Variants in HPSE2 observed in about 807,000 individuals in gnomAD.
HPSE2 encodes heparanase 2 (inactive).
Under a neutral mutation model 60.5 loss-of-function variants are expected in HPSE2, and 38 were observed. The observed-to-expected ratio is 0.63, with a 90% CI of 0.48 to 0.82. The LOEUF (loss-of-function observed/expected upper bound fraction) is 0.82, where lower values mean the gene tolerates loss of function less well. Ranked by LOEUF, HPSE2 falls within the 40% of genes least tolerant of loss-of-function variation. The pLI, the probability that HPSE2 is intolerant of heterozygous loss-of-function variation, is 0.00. For missense variants in HPSE2, 713 were observed against 740.4 expected (o/e 0.96, Z 0.43); for synonymous variants, 295 against 293.2 (o/e 1.01, Z -0.06).
chr10:99,208,401 G>A (rs1181361655), intron 2 of HPSE2, among the ~76,000 whole-genome samples: 1 of 152,122 alleles, frequency 6.6e-6, no homozygotes, highest in Non-Finnish European at 1.5e-5. Context: ...AGGCATTAGA[G>A]TGGCTAGGTA....
upstream of HPSE2, among the ~76,000 whole-genome samples, chr10:99,239,630 G>A (rs986009378): frequency 4.6e-5 from 7 of 151,336 alleles, no homozygotes; most frequent in Admixed American, 2.6e-4. Context: ...GGGCTTCACC[G>A]TGTTGCCTAG....
intron 9 of HPSE2, among the ~76,000 whole-genome samples, chr10:98,611,351 A>T (rs536335966): frequency 6.6e-6 from 1 of 152,334 alleles, no homozygotes; most frequent in East Asian, 1.9e-4. Context: ...CTAGAATGCC[A>T]CAAACTGGGA....
In HPSE2 at chr10:99,167,881, G is replaced by GTC. The variant is rs147629381; in HGVS notation, c.449-23484_449-23483dup. Among the ~76,000 whole-genome samples the GTC allele has an allele frequency of 5.9e-3, 875 of 148,414 alleles. 1 individual carries two copies. The highest frequency in any genetic ancestry group is 0.011 in the African/African-American group (438 of 40,472). ...GTCTTCTAATCCATGAACACATTTTGTCTCTCTCTCTCTCTCTCTCATTTG... is the reference window on the plus strand; with the variant it reads ...GTCTTCTAATCCATGAACACATTTTGTCTCTCTCTCTCTCTCTCTCTCATTTG... On this transcript the variant is annotated intron_variant, in intron 2 of 11. Coordinates refer to ENST00000370552, the MANE Select transcript of HPSE2 (RefSeq NM_021828.5).
intron 9 of HPSE2, among the ~76,000 whole-genome samples, chr10:98,571,790 G>A (rs952118052): frequency 6.6e-6 from 1 of 152,166 alleles, no homozygotes; most frequent in African/African-American, 2.4e-5. Context: ...CTAGGCGAGG[G>A]AGGGTCTTTC....
the HPSE2 span, among the ~76,000 whole-genome samples, chr10:99,291,719 T>C: frequency 3.7e-4 from 56 of 152,252 alleles, no homozygotes; most frequent in Non-Finnish European, 3.4e-4. Flanking sequence ...TTTCGAAAAC[T>C]ACATTCCTAG....
intron 9 of HPSE2, among the ~76,000 whole-genome samples, chr10:98,499,615 C>CA (rs887256961): frequency 1.4e-4 from 22 of 151,886 alleles, no homozygotes; most frequent in African/African-American, 5.3e-4. Flanking sequence ...AAACAAAAAC[C>CA]AAAAAAACCA....
chr10:98,593,981 G>A, intron 9 of HPSE2, among the ~76,000 whole-genome samples: 1 of 152,064 alleles, frequency 6.6e-6, no homozygotes, highest in Middle Eastern at 3.4e-3. Flanking sequence ...TCTTTCACAT[G>A]TATCTCTATA....
chr10:99,132,237 G>GAAAGAAAGAAAGAAAGAAAGAA (rs1308434482), intron 3 of HPSE2, among the ~76,000 whole-genome samples: 1 of 20,682 alleles, frequency 4.8e-5, no homozygotes, highest in Non-Finnish European at 1.4e-4. Flanking sequence ...GAGAGAGAGA[G>GAAAGAAAGAAAGAAAGAAAGAA]AGAGAGAAAG....
rs190228332 is a variant in HPSE2, at chr10:98,459,487, G to C, written c.*87C>G. On this transcript the variant is annotated 3_prime_UTR_variant, in exon 12 of 12. Transcript: ENST00000370552. Reference sequence around the variant, plus strand: ...ATGGGGCAGCAGGGGCTGGTTGCTAGGATGTCTGAAAACAGAGGATACTAC... The same window carrying C: ...ATGGGGCAGCAGGGGCTGGTTGCTACGATGTCTGAAAACAGAGGATACTAC... 1,389 of 1,408,684 alleles carry C rather than the reference G, an allele frequency of 9.9e-4. 20 individuals are homozygous for C. In the Admixed American group the frequency reaches 0.022, roughly 23 times the overall value. 87.3% of individuals were successfully genotyped at this position (1,408,684 alleles called of 1,614,324 possible).
intron 9 of HPSE2, among the ~76,000 whole-genome samples, chr10:98,580,573 C>G (rs956261714): frequency 6.6e-6 from 1 of 151,756 alleles, no homozygotes; most frequent in Non-Finnish European, 1.5e-5. Context: ...ATTGTTCCTG[C>G]TTTTAATATA....
chr10:98,746,750 A>T (rs1435774017), intron 3 of HPSE2, among the ~76,000 whole-genome samples: 1 of 151,926 alleles, frequency 6.6e-6, no homozygotes, highest in Non-Finnish European at 1.5e-5. Context: ...TTGTGTTAAG[A>T]CTTTGAGGCC....
intron 2 of HPSE2, among the ~76,000 whole-genome samples, chr10:99,165,531 A>ATTTC (rs1465511453): frequency 6.7e-6 from 1 of 148,466 alleles, no homozygotes; most frequent in Non-Finnish European, 1.5e-5. Flanking sequence ...TTATTTACGT[A>ATTTC]TTTATTTATT....
intron 3 of HPSE2, among the ~76,000 whole-genome samples, chr10:99,042,586 T>A (rs910583720): frequency 2.6e-5 from 4 of 151,348 alleles, no homozygotes; most frequent in African/African-American, 9.7e-5. Flanking sequence ...CAGTGCACAC[T>A]CAGAGCACAA....
At chr10:98,507,920 C>T (rs1942255552) in intron 9 of HPSE2, among the ~76,000 whole-genome samples, 1 of 151,972 alleles carries the variant, frequency 6.6e-6, no homozygotes, top group African/African-American at 2.4e-5. Flanking sequence ...TATCTTTGTG[C>T]AGAGGATAGG....
intron 3 of HPSE2, among the ~76,000 whole-genome samples, chr10:98,761,381 T>G (rs1448052360): frequency 1.3e-5 from 2 of 152,170 alleles, no homozygotes; most frequent in Non-Finnish European, 1.5e-5. Context: ...CTCTATTTCA[T>G]TTACTTCTGT....
intron 2 of HPSE2, among the ~76,000 whole-genome samples, chr10:99,227,342 T>C (rs1354123701): frequency 1.3e-5 from 2 of 151,962 alleles, no homozygotes; most frequent in Admixed American, 1.3e-4. Context: ...AAATCAGGAA[T>C]AGAAATTACA....
At chr10:99,112,569 G>T (rs745812659) in intron 3 of HPSE2, among the ~76,000 whole-genome samples, 1 of 152,066 alleles carries the variant, frequency 6.6e-6, no homozygotes, top group South Asian at 2.1e-4. Flanking sequence ...GATTACAGGC[G>T]TGAGCCACCG....
At position 98,681,142 on chromosome 10, in the gene HPSE2, T is replaced by C. The variant is rs549883133; in HGVS notation, c.1004+12758A>G. Among the ~76,000 whole-genome samples the C allele has an allele frequency of 2.3e-4, 35 of 152,218 alleles. No homozygotes were observed. The South Asian group carries it at 6.8e-3, about 30-fold the overall frequency. ...AAGACAAATTATTTAGAGTTAGGCTTTTGAAAGATACTTTCTCAAAAATGA... is the reference window on the plus strand; with the variant it reads ...AAGACAAATTATTTAGAGTTAGGCTCTTGAAAGATACTTTCTCAAAAATGA... On this transcript the variant is annotated intron_variant, in intron 6 of 11. Transcript: ENST00000370552.
chr10:99,137,195 T>C (rs1034583818), intron 3 of HPSE2, among the ~76,000 whole-genome samples: 3 of 152,100 alleles, frequency 2.0e-5, no homozygotes, highest in South Asian at 2.1e-4. Context: ...GGATGTGAAG[T>C]ACCTCTTCAA....
Sources: gnomAD v4.1 joint callset for allele counts (sites outside exome capture counted in the v4.1 genomes callset) on GRCh38, gnomAD v4.1.1 for gene constraint, MANE v1.5 for transcripts, NCBI Gene and HGNC (gene_info 2026-07-23, HGNC 2026-07-21) for gene names.